The following TBCK variants were observed in gnomAD, a reference collection of about 807,000 sequenced individuals.
The protein encoded by TBCK is TBC domain-containing protein kinase-like protein.
A neutral mutation model predicts 113.4 loss-of-function variants in TBCK; 99 were observed. The observed-to-expected ratio is 0.87, with a 90% CI of 0.74 to 1.03. The LOEUF (loss-of-function observed/expected upper bound fraction) is 1.03. TBCK is among the 50% of genes least tolerant of loss of function. TBCK has a pLI of 0.00. For synonymous variants in TBCK, 369 were observed against 370.8 expected (o/e 1.00, Z 0.05); for missense variants, 1,045 against 1,061.3 (o/e 0.98, Z 0.21).
chr4:106,289,390 C>T (rs1765438955), intron 3 of TBCK, among the ~76,000 whole-genome samples: 1 of 152,110 alleles, frequency 6.6e-6, no homozygotes, highest in Non-Finnish European at 1.5e-5. Context: ...GCCATAGGTT[C>T]TTCTGTCAAG....
In TBCK at chr4:106,250,414, T is replaced by C. The variant is rs745752734; in HGVS notation, c.658+4A>G. 3 of 1,551,876 alleles carry C rather than the reference T, an allele frequency of 1.9e-6. No individual in the cohort carries two copies. In the Admixed American group the frequency reaches 5.3e-5, roughly 27 times the overall value. On this transcript the variant is annotated splice_donor_region_variant and intron_variant, in intron 7 of 25. Transcript: ENST00000394708. ...TGAAAGATAAGCAATTGTACGACAC[T>C]TACCCAAAGTAAGCAAAAATTTTAG...
chr4:106,197,754 C>T (rs1672876709), intron 20 of TBCK, among the ~76,000 whole-genome samples: 1 of 151,900 alleles, frequency 6.6e-6, no homozygotes, highest in African/African-American at 2.4e-5. Context: ...TCATGGTCAC[C>T]CCCAAACTGC....
At chr4:106,158,486 A>G (rs900666789) in intron 23 of TBCK, among the ~76,000 whole-genome samples, 1 of 152,214 alleles carries the variant, frequency 6.6e-6, no homozygotes, top group Non-Finnish European at 1.5e-5. Context: ...ATTAATAAAC[A>G]AAAGTTTTTG....
At chr4:106,131,005 A>T (rs1035555635) in intron 23 of TBCK, among the ~76,000 whole-genome samples, 11 of 152,178 alleles carry the variant, frequency 7.2e-5, no homozygotes, top group African/African-American at 2.7e-4. Flanking sequence ...GGTCCCCCCC[A>T]AATCTCACCT....
chr4:106,112,025 T>C (rs745891785), intron 24 of TBCK, among the ~76,000 whole-genome samples: 9 of 152,334 alleles, frequency 5.9e-5, no homozygotes, highest in Non-Finnish European at 4.4e-5. Context: ...CTAGATTGCA[T>C]TGATACATGG....
chr4:106,188,843 T>C (rs1294854806), intron 22 of TBCK, among the ~76,000 whole-genome samples: 1 of 152,212 alleles, frequency 6.6e-6, no homozygotes, highest in Non-Finnish European at 1.5e-5. Flanking sequence ...TTATGTGAAT[T>C]CTTTCAGCTT....
chr4:106,127,206 C>CAAAAA (rs35461999), intron 23 of TBCK, among the ~76,000 whole-genome samples: 47 of 65,358 alleles, frequency 7.2e-4, no homozygotes, highest in African/African-American at 1.1e-3. Context: ...GACTCCGTCT[C>CAAAAA]AAAAAAAAAA....
At chr4:106,143,902 G>A (rs1488701044) in intron 23 of TBCK, among the ~76,000 whole-genome samples, 3 of 141,808 alleles carry the variant, frequency 2.1e-5, no homozygotes, top group East Asian at 2.1e-4. Context: ...CAACAAGAGC[G>A]AAACTCTGTC....
intron 11 of TBCK, 83 bp downstream of exon 11, chr4:106,244,543 C>T (rs762805276): frequency 2.1e-5 from 24 of 1,162,412 alleles, no homozygotes; most frequent in Admixed American, 3.5e-5. Flanking sequence ...AAAAAAAACA[C>T]CGATTTTCTT....
At chr4:106,278,579 AAAAAAG>A (rs1232736603) in intron 3 of TBCK, among the ~76,000 whole-genome samples, 1 of 150,368 alleles carries the variant, frequency 6.7e-6, no homozygotes, top group Admixed American at 6.6e-5. Context: ...AAAAAAAAAA[AAAAAAG>A]AGTTCATGAA....
At chr4:106,216,528 A>G (rs2149915263) in intron 19 of TBCK, among the ~76,000 whole-genome samples, 1 of 151,766 alleles carries the variant, frequency 6.6e-6, no homozygotes, top group Admixed American at 6.5e-5. Flanking sequence ...AAAATGATAA[A>G]GGGGATATCA....
chr4:106,095,740 A>G, intron 24 of TBCK, 99 bp from the exon 25 acceptor site: 1 of 973,430 alleles, frequency 1.0e-6, no homozygotes, highest in East Asian at 2.7e-5. Context: ...ATAGTACTAA[A>G]CATCTTCCAG....
chr4:106,093,508 A>G (rs1740555799), intron 25 of TBCK, among the ~76,000 whole-genome samples: 1 of 152,154 alleles, frequency 6.6e-6, no homozygotes, highest in African/African-American at 2.4e-5. Flanking sequence ...CTCGTCTCAA[A>G]CAAACAAACA....
chr4:106,251,419 T>C (rs1319207976), intron 6 of TBCK, among the ~76,000 whole-genome samples: 1 of 151,884 alleles, frequency 6.6e-6, no homozygotes, highest in Non-Finnish European at 1.5e-5. Context: ...GAAGAAAAAA[T>C]GTTCTTAAAC....
chr4:106,245,990 G>A (rs1760760258), intron 10 of TBCK, among the ~76,000 whole-genome samples: 3 of 152,036 alleles, frequency 2.0e-5, no homozygotes, highest in South Asian at 4.1e-4. Flanking sequence ...ACATAGTATT[G>A]GAAATTTTAC....
chr4:106,067,788 T>C (rs186801087), intron 25 of TBCK, among the ~76,000 whole-genome samples: 2 of 152,278 alleles, frequency 1.3e-5, no homozygotes, highest in South Asian at 2.1e-4. Context: ...CTTTGTCAAA[T>C]ATCAATTTTC....
chr4:106,159,604 AAAAGAATGCTG>A (rs1165066038), intron 23 of TBCK, among the ~76,000 whole-genome samples: 2 of 152,146 alleles, frequency 1.3e-5, no homozygotes, highest in South Asian at 2.1e-4. Context: ...TGAAAACAAC[AAAAGAATGCTG>A]AAAGAAATTT....
Position 106,116,979 on chromosome 4 carries a change from C to T in TBCK, c.2236-601G>A, listed in dbSNP as rs192842105. 1.6e-4 allele frequency among the ~76,000 whole-genome samples: 24 copies of T among 152,138 alleles called. No individual in the cohort carries two copies. In the East Asian group the frequency reaches 4.6e-3, roughly 29 times the overall value. ...TTGATTCATCCTGAAATCATCCCCC[C>T]CCCATCTCAAACCCAGTCCATGGAA... On this transcript the variant is annotated intron_variant, in intron 23 of 25. Coordinates refer to ENST00000394708, the MANE Select transcript of TBCK (RefSeq NM_001163435.3).
intron 20 of TBCK, among the ~76,000 whole-genome samples, chr4:106,203,451 A>T (rs1192642808): frequency 6.6e-6 from 1 of 151,836 alleles, no homozygotes; most frequent in African/African-American, 2.4e-5. Flanking sequence ...AATGTAAAAG[A>T]TCCCTTGGAC....
Sources: gnomAD v4.1 joint callset for allele counts (sites outside exome capture counted in the v4.1 genomes callset) on GRCh38, gnomAD v4.1.1 for gene constraint, MANE v1.5 for transcripts, NCBI Gene and HGNC (gene_info 2026-07-23, HGNC 2026-07-21) for gene names.